Variants in SPAG9 observed in about 807,000 individuals in gnomAD.
The protein encoded by SPAG9 is sperm associated antigen 9, also known as C-Jun-amino-terminal kinase-interacting protein 4.
In SPAG9, 35 loss-of-function variants were observed where a neutral mutation model predicts 166.5. That is an observed-to-expected ratio of 0.21 (90% CI 0.16 to 0.28). The LOEUF is 0.28. SPAG9 is among the 10% of genes least tolerant of loss of function. The probability of loss-of-function intolerance (pLI) is 1.00; values close to 1 mark genes in which losing one functional copy is unlikely to be tolerated. For synonymous variants in SPAG9, 534 were observed against 565.5 expected (o/e 0.94, Z 0.79); for missense variants, 1,235 against 1,603.3 (o/e 0.77, Z 3.92).
Position 51,039,278 on chromosome 17 carries a change from TAC to T in SPAG9, c.741+2221_741+2222del, listed in dbSNP as rs1833860709. Among the ~76,000 whole-genome samples, 7 of 152,302 alleles carry T rather than the reference TAC, an allele frequency of 4.6e-5. No homozygotes were observed. The South Asian group carries it at 1.4e-3, about 32-fold the overall frequency. On this transcript the variant is annotated intron_variant, in intron 5 of 29. Transcript: ENST00000262013. ...TTAGAGTCTAGTCCAATTCCTGTTA[TAC>T]ACAGAAACCAAAATGACAGGGCATG...
intron 5 of SPAG9, among the ~76,000 whole-genome samples, chr17:51,037,691 T>TATATATATATATATATATATATATA (rs1179792305): frequency 1.5e-3 from 135 of 90,144 alleles, no homozygotes; most frequent in Non-Finnish European, 2.4e-3. Context: ...ATATAGTGTG[T>TATATATATATATATATATATATATA]GTGTGTGTGT....
At chr17:51,028,292 G>C (rs932122719) in intron 6 of SPAG9, among the ~76,000 whole-genome samples, 3 of 152,132 alleles carry the variant, frequency 2.0e-5, no homozygotes, top group Non-Finnish European at 4.4e-5. Context: ...TATAGTTTAA[G>C]TGGACAGCAT....
At chr17:51,088,243 T>C (rs1420971095) in intron 1 of SPAG9, among the ~76,000 whole-genome samples, 1 of 152,196 alleles carries the variant, frequency 6.6e-6, no homozygotes, top group African/African-American at 2.4e-5. Context: ...CACACACCTA[T>C]TCACAATGCC....
chr17:51,041,420 C>A, intron 5 of SPAG9, 81 bp downstream of exon 5: 3 of 1,315,448 alleles, frequency 2.3e-6, no homozygotes, highest in Non-Finnish European at 2.1e-6. Context: ...TTTTACTATA[C>A]TGTGGTCGTC....
chr17:51,003,642 C>G (rs1247812530), intron 12 of SPAG9, among the ~76,000 whole-genome samples: 3 of 152,124 alleles, frequency 2.0e-5, no homozygotes, highest in Admixed American at 6.5e-5. Context: ...GAACATGGCT[C>G]AAGTCAACGT....
chr17:51,017,526 G>GAC (rs1317256999), intron 8 of SPAG9, among the ~76,000 whole-genome samples: 1 of 87,988 alleles, frequency 1.1e-5, no homozygotes, highest in Non-Finnish European at 3.1e-5. Context: ...GTCTGAGAGA[G>GAC]AGAGAGAGAG....
At chr17:50,983,524 C>T (rs140310842) in intron 24 of SPAG9, among the ~76,000 whole-genome samples, 2 of 152,274 alleles carry the variant, frequency 1.3e-5, no homozygotes, top group East Asian at 3.9e-4. Flanking sequence ...GCATTAAACT[C>T]ATATTGAGTT....
chr17:51,014,385 C>T, intron 8 of SPAG9, 32 bp from the exon 9 acceptor site: 1 of 1,581,030 alleles, frequency 6.3e-7, no homozygotes, highest in Non-Finnish European at 8.6e-7. Flanking sequence ...ACCAAATCAA[C>T]AAATGACAAA....
chr17:50,991,615 G>T (rs1207583410), intron 19 of SPAG9, among the ~76,000 whole-genome samples: 1 of 151,086 alleles, frequency 6.6e-6, no homozygotes, highest in East Asian at 1.9e-4. Context: ...ACATTGTGTA[G>T]CCATCACCAT....
chr17:51,102,923 G>A (rs929062481), intron 1 of SPAG9, among the ~76,000 whole-genome samples: 3 of 151,960 alleles, frequency 2.0e-5, no homozygotes, highest in East Asian at 1.9e-4. Flanking sequence ...TGCTATACCC[G>A]GCTTGAATTC....
At chr17:51,006,360 T>C in intron 10 of SPAG9, 123 bp from the exon 11 acceptor site, 3 of 885,508 alleles carry the variant, frequency 3.4e-6, no homozygotes, top group Non-Finnish European at 5.0e-6. Flanking sequence ...CAAGACATTC[T>C]ACCCAATGTT....
intron 5 of SPAG9, among the ~76,000 whole-genome samples, chr17:51,033,247 G>A (rs1174172131): frequency 6.8e-6 from 1 of 146,506 alleles, no homozygotes; most frequent in Non-Finnish European, 1.5e-5. Flanking sequence ...CAAAAACTAG[G>A]TAAAAACTTG....
At position 51,013,561 on chromosome 17, in the gene SPAG9, C is replaced by G. The variant is rs186420825; in HGVS notation, c.1213+671G>C. Among the ~76,000 whole-genome samples the G allele has an allele frequency of 1.2e-4, 18 of 152,256 alleles. 1 individual carries two copies. The highest frequency in any genetic ancestry group is 1.0e-3 in the Admixed American group (16 of 15,286). ...CACACAAGGGGTCAGCTGGATTTGG[C>G]CCATAAGCGGCAGTTTGCCAGATTC... On this transcript the variant is annotated intron_variant, in intron 9 of 29. Coordinates refer to ENST00000262013, the MANE Select transcript of SPAG9 (RefSeq NM_001130528.3).
chr17:51,083,516 C>T (rs1259085630), intron 1 of SPAG9, among the ~76,000 whole-genome samples: 2 of 151,334 alleles, frequency 1.3e-5, no homozygotes, highest in African/African-American at 2.4e-5. Context: ...GAATTACAAG[C>T]GTGAGCCACC....
At chr17:51,067,459 G>C (rs912170110) in intron 2 of SPAG9, among the ~76,000 whole-genome samples, 1 of 152,182 alleles carries the variant, frequency 6.6e-6, no homozygotes, top group Admixed American at 6.5e-5. Flanking sequence ...CAAGTACCAT[G>C]AAGTTAACCT....
chr17:50,979,717 G>A (rs1434277443), intron 26 of SPAG9, 29 bp downstream of exon 26: 27 of 1,593,938 alleles, frequency 1.7e-5, no homozygotes, highest in African/African-American at 2.7e-5. Flanking sequence ...CTCTTTGACT[G>A]GTAAAGATAA....
rs762436590 is a variant in SPAG9, at chr17:50,990,438, G to C, written c.2617+12C>G. The stretch of plus-strand genomic sequence containing the variant: ...ACTCTATACAGATGGCAGGTAAAGA[G>C]AATGGATATACCTGGTGGTTTATCC... On this transcript the variant is annotated intron_variant, in intron 20 of 29. Coordinates refer to ENST00000262013, the MANE Select transcript of SPAG9 (RefSeq NM_001130528.3). 6.3e-7 allele frequency: 1 copy of C among 1,592,202 alleles called. No individual in the cohort carries two copies. Among genetic ancestry groups the C allele is most frequent in the Middle Eastern group, 1.7e-4 (1 of 6,008 alleles).
chr17:50,988,259 G>A (rs1477429939), intron 21 of SPAG9, among the ~76,000 whole-genome samples: 1 of 152,044 alleles, frequency 6.6e-6, no homozygotes, highest in Non-Finnish European at 1.5e-5. Context: ...TATGCCGGAG[G>A]TTGCAAATTT....
At chr17:50,999,010 T>TGG (rs1286326633) in intron 14 of SPAG9, among the ~76,000 whole-genome samples, 1 of 152,230 alleles carries the variant, frequency 6.6e-6, no homozygotes, top group Non-Finnish European at 1.5e-5. Flanking sequence ...AATGGAAGCT[T>TGG]AGTATGCCAG....
Sources: gnomAD v4.1 joint callset for allele counts (sites outside exome capture counted in the v4.1 genomes callset) on GRCh38, gnomAD v4.1.1 for gene constraint, MANE v1.5 for transcripts, NCBI Gene and HGNC (gene_info 2026-07-23, HGNC 2026-07-21) for gene names.